Variants in MCC observed in about 807,000 individuals in gnomAD.
MCC encodes colorectal mutant cancer protein.
A neutral mutation model predicts 116.2 loss-of-function variants in MCC; 90 were observed. The ratio of observed to expected loss-of-function variants is 0.77; its 90% CI spans 0.65 to 0.92. MCC has a LOEUF of 0.92. MCC is among the 40% of genes least tolerant of loss of function. The probability of loss-of-function intolerance (pLI) is 0.00; values close to 1 mark genes in which losing one functional copy is unlikely to be tolerated. For synonymous variants in MCC, 578 were observed against 510.5 expected, an observed-to-expected ratio of 1.13 and a Z score of -1.78; for missense variants, 1,516 against 1,312.2, an observed-to-expected ratio of 1.16 and a Z score of -2.40.
At chr5:113,063,861 G>A in intron 14 of MCC, 123 bp downstream of exon 14, 1 of 1,045,388 alleles carries the variant, frequency 9.6e-7, no homozygotes, top group Non-Finnish European at 1.4e-6. Flanking sequence ...CTGCATGCCA[G>A]AAGCCATGTC....
Position 113,027,303 on chromosome 5 carries a change from T to C in MCC, c.3059A>G (p.Ter1020=). 1 of 1,614,042 alleles carries C rather than the reference T, an allele frequency of 6.2e-7. No homozygotes were observed. The highest frequency in any genetic ancestry group is 1.3e-5 in the African/African-American group (1 of 75,046). ...AGAACTCCGGTGCGTGAGTGCTGAT[T>C]AAAGCGAAGTTTCATTGGTGTGTGG... The part of the protein sequence containing the change: ...SRPHTNETSL[*] The change falls in exon 19 of 19, where the codon TAA becomes TGA. Residue 1020 remains the stop codon, a stop_retained_variant. Coordinates refer to ENST00000408903, the MANE Select transcript of MCC (RefSeq NM_001085377.2).
At chr5:113,458,358 C>T (rs555034413) in intron 1 of MCC, among the ~76,000 whole-genome samples, 2 of 151,916 alleles carry the variant, frequency 1.3e-5, no homozygotes, top group South Asian at 2.1e-4. Flanking sequence ...ACACTCATGG[C>T]GAAGGTCTGC....
chr5:113,433,670 C>T (rs1266892447), intron 1 of MCC: 14 of 1,537,380 alleles, frequency 9.1e-6, no homozygotes, highest in Admixed American at 2.0e-5. Flanking sequence ...TGGCTCCACC[C>T]TTGACTTCTT....
At chr5:113,224,415 T>C (rs537088956) in intron 3 of MCC, among the ~76,000 whole-genome samples, 7 of 152,300 alleles carry the variant, frequency 4.6e-5, no homozygotes, top group Admixed American at 4.6e-4. Context: ...ATAGTTTTTA[T>C]AGTGAATGCA....
At chr5:113,075,988 G>A (rs10036854) in intron 11 of MCC, among the ~76,000 whole-genome samples, 28,862 of 151,864 alleles carry the variant, frequency 0.19, 2,835 homozygotes, top group East Asian at 0.29. Context: ...TGAAGCCAGC[G>A]AGACCACAAA....
chr5:113,281,505 C>A (rs1480840050), intron 3 of MCC, among the ~76,000 whole-genome samples: 1 of 152,196 alleles, frequency 6.6e-6, no homozygotes, highest in Non-Finnish European at 1.5e-5. Flanking sequence ...TGACCTCAAT[C>A]ATGATGGTCA....
intron 4 of MCC, among the ~76,000 whole-genome samples, chr5:113,143,922 T>C (rs1449018475): frequency 6.6e-6 from 1 of 152,214 alleles, no homozygotes; most frequent in Non-Finnish European, 1.5e-5. Context: ...TCCTAAATGG[T>C]ATAATACCAC....
At position 113,104,269 on chromosome 5, in the gene MCC, T is replaced by G. The variant is rs569256836; in HGVS notation, c.1114A>C (p.Ser372Arg). The change falls in exon 7 of 19, where the codon AGC (serine) becomes CGC (arginine). Residue 372 changes from serine to arginine, a missense_variant. By Grantham distance (110) the Ser-to-Arg change is moderately radical. Transcript: ENST00000408903. ...VVCGRKKSSC[S>R]LSVAEVDKHI... is the part of the protein sequence containing the mutation. The stretch of plus-strand genomic sequence containing the variant: ...TTGTCCACCTCGGCCACGGAGAGGC[T>G]GCAGCTGCTCTTCTTCCTGCCGCAG... The G allele has an allele frequency of 1.9e-6, 3 of 1,614,106 alleles. No homozygotes were observed. The highest frequency in any genetic ancestry group is 2.7e-5 in the African/African-American group (2 of 75,056).
chr5:113,241,399 G>A (rs1245625541), intron 3 of MCC, among the ~76,000 whole-genome samples: 1 of 152,278 alleles, frequency 6.6e-6, no homozygotes, highest in Non-Finnish European at 1.5e-5. Flanking sequence ...TCAACTCTGC[G>A]ATAGCCTAAA....
At chr5:113,482,476 T>C (rs550739645) in intron 1 of MCC, among the ~76,000 whole-genome samples, 1 of 152,184 alleles carries the variant, frequency 6.6e-6, no homozygotes, top group Non-Finnish European at 1.5e-5. Flanking sequence ...AGAATTCCCA[T>C]GGTAGTTTTG....
chr5:113,224,033 T>C (rs1270688628), intron 3 of MCC, among the ~76,000 whole-genome samples: 1 of 152,114 alleles, frequency 6.6e-6, no homozygotes, highest in Non-Finnish European at 1.5e-5. Flanking sequence ...TTACAAACAA[T>C]AACTCAAGGA....
In MCC at chr5:113,483,925, T is replaced by C. The variant is rs533856403; in HGVS notation, c.170+4320A>G. Among the ~76,000 whole-genome samples the C allele has an allele frequency of 6.0e-4, 91 of 152,226 alleles. 2 individuals carry two copies. In the South Asian group the frequency reaches 0.016, roughly 27 times the overall value. ...GGATGGGACTGGAGGCCATTACCCT[T>C]AGCAAACTAACACAAGAACAGAAAA... On this transcript the variant is annotated intron_variant, in intron 1 of 18. Transcript: ENST00000408903.
At chr5:113,168,180 G>T (rs531828022) in intron 3 of MCC, among the ~76,000 whole-genome samples, 1 of 152,066 alleles carries the variant, frequency 6.6e-6, no homozygotes, top group African/African-American at 2.4e-5. Context: ...TAAACCAAGG[G>T]CATGCCACAA....
At chr5:113,335,027 G>T (rs1369734970) in intron 3 of MCC, among the ~76,000 whole-genome samples, 3 of 151,714 alleles carry the variant, frequency 2.0e-5, no homozygotes, top group Non-Finnish European at 4.4e-5. Context: ...CTATGCTGAA[G>T]AATTTTTTGT....
intron 3 of MCC, among the ~76,000 whole-genome samples, chr5:113,327,586 A>ATATATATATATATATATAT (rs1561525256): frequency 1.4e-4 from 16 of 112,980 alleles, no homozygotes; most frequent in South Asian, 2.6e-4. Context: ...ATATATATAT[A>ATATATATATATATATATAT]AAAATCTCAT....
At chr5:113,399,067 A>C (rs1769607507) in intron 1 of MCC, among the ~76,000 whole-genome samples, 1 of 152,258 alleles carries the variant, frequency 6.6e-6, no homozygotes. Flanking sequence ...CACACTGGAC[A>C]GCACAAGTAT....
rs1750429032 is a variant in MCC, at chr5:113,024,982, G to T, written c.*2320C>A. 6.6e-6 allele frequency: 1 copy of T among 151,680 alleles called. No individual in the cohort carries two copies. The highest frequency in any genetic ancestry group is 2.1e-4 in the South Asian group (1 of 4,796). 9.4% of individuals were successfully genotyped at this position (151,680 alleles called of 1,614,324 possible). ...GGTCAGGTAGCATGAGTAAAACTGG[G>T]GCCCTTAACAGGAGCTGGAGCCGCC... is the stretch of plus-strand genomic sequence containing the variant. On this transcript the variant is annotated 3_prime_UTR_variant, in exon 19 of 19. Transcript: ENST00000408903.
intron 13 of MCC, 58 bp downstream of exon 13, chr5:113,068,022 G>T: frequency 7.0e-7 from 1 of 1,438,810 alleles, no homozygotes; most frequent in Non-Finnish European, 9.8e-7. Context: ...TGAGACAGGG[G>T]CAGAAGCAAA....
rs539335437 is a variant in MCC, at chr5:113,213,754, C to T, written c.628-62332G>A. Among the ~76,000 whole-genome samples, 159 of 152,286 alleles carry T rather than the reference C, an allele frequency of 1.0e-3. 1 individual carries two copies. The highest frequency in any genetic ancestry group is 3.7e-3 in the African/African-American group (154 of 41,546). On this transcript the variant is annotated intron_variant, in intron 3 of 18. Coordinates refer to ENST00000408903, the MANE Select transcript of MCC (RefSeq NM_001085377.2). Reference sequence around the variant, plus strand: ...TAAGGTTGGTTTCTAATTCCTGACACGTGTTCTCTTTCATACCCACTCACA... The same window carrying T: ...TAAGGTTGGTTTCTAATTCCTGACATGTGTTCTCTTTCATACCCACTCACA...
Sources: gnomAD v4.1 joint callset for allele counts (sites outside exome capture counted in the v4.1 genomes callset) on GRCh38, gnomAD v4.1.1 for gene constraint, MANE v1.5 for transcripts, NCBI Gene and HGNC (gene_info 2026-07-23, HGNC 2026-07-21) for gene names.